NEDD4L: variants seen among roughly 807,000 people sequenced by gnomAD.
NEDD4L encodes the protein NEDD4 like E3 ubiquitin protein ligase, also known as E3 ubiquitin-protein ligase NEDD4-like.
Under a neutral mutation model 148.9 loss-of-function variants are expected in NEDD4L, and 54 were observed. That is an observed-to-expected ratio of 0.36 (90% CI 0.29 to 0.45). The LOEUF is 0.45. Ranked by LOEUF, NEDD4L falls within the 20% of genes least tolerant of loss-of-function variation. NEDD4L has a pLI of 1.00. For synonymous variants in NEDD4L, 433 were observed against 440.7 expected (o/e 0.98, Z 0.22); for missense variants, 856 against 1,233.8 (o/e 0.69, Z 4.59).
chr18:58,228,063 C>A (rs1259548675), intron 2 of NEDD4L, among the ~76,000 whole-genome samples: 1 of 152,116 alleles, frequency 6.6e-6, no homozygotes, highest in Non-Finnish European at 1.5e-5. Context: ...TCAAGATTTA[C>A]CCTACCCCAC....
At position 58,401,226 on chromosome 18, in the gene NEDD4L, C is replaced by T. The variant is rs753613489; in HGVS notation, c.*4957C>T. 2 of 152,164 alleles carry T rather than the reference C, an allele frequency of 1.3e-5. No homozygotes were observed. Among genetic ancestry groups the T allele is most frequent in the Non-Finnish European group, 2.9e-5 (2 of 68,020 alleles). 9.4% of individuals were successfully genotyped at this position (152,164 alleles called of 1,614,324 possible). On this transcript the variant is annotated 3_prime_UTR_variant, in exon 31 of 31. Coordinates refer to ENST00000400345, the MANE Select transcript of NEDD4L (RefSeq NM_001144967.3). ...TAACTTTTTATTATAAACCCACCTC[C>T]TAATAGGAAGCCAAGTACTATTTGA...
chr18:58,200,218 T>A (rs1599635140), intron 2 of NEDD4L, among the ~76,000 whole-genome samples: 1 of 152,248 alleles, frequency 6.6e-6, no homozygotes, highest in Admixed American at 6.5e-5. Context: ...ATTATGTGAT[T>A]TTAATTTATT....
chr18:58,184,733 C>A (rs1325378089), intron 2 of NEDD4L, among the ~76,000 whole-genome samples: 4 of 152,014 alleles, frequency 2.6e-5, no homozygotes, highest in Non-Finnish European at 5.9e-5. Flanking sequence ...TCGAGACCAT[C>A]CTGGCTAACA....
intron 2 of NEDD4L, among the ~76,000 whole-genome samples, chr18:58,199,182 T>TA (rs2041103368): frequency 6.6e-6 from 1 of 152,346 alleles, no homozygotes; most frequent in Admixed American, 6.5e-5. Context: ...AAACAACTAA[T>TA]AAAAATAGTT....
At chr18:58,251,509 C>T (rs933242409) in intron 4 of NEDD4L, among the ~76,000 whole-genome samples, 1 of 151,970 alleles carries the variant, frequency 6.6e-6, no homozygotes, top group African/African-American at 2.4e-5. Context: ...ACAAGACCGT[C>T]TGTCTCTGTC....
Position 58,330,746 on chromosome 18 carries a change from G to A in NEDD4L, c.822G>A (p.Glu274=). The part of the protein sequence containing the change: ...SEGGDVPEPW[E]TISEEVNIAG... ...GTCTCCTTCTCTGAAAGCCTTGGGA[G>A]ACCATTTCAGAGGAAGTGAATATCG... The change falls in exon 11 of 31, where the codon GAG becomes GAA. Residue 274 remains glutamate (E), a synonymous_variant. Transcript: ENST00000400345. 1 of 1,594,078 alleles carries A rather than the reference G, an allele frequency of 6.3e-7. No individual in the cohort carries two copies. The highest frequency in any genetic ancestry group is 1.3e-5 in the African/African-American group (1 of 74,568).
At chr18:58,281,235 C>A (rs1013147053) in intron 5 of NEDD4L, among the ~76,000 whole-genome samples, 1 of 152,148 alleles carries the variant, frequency 6.6e-6, no homozygotes, top group African/African-American at 2.4e-5. Context: ...GCCCTGGCCT[C>A]CCAAACTGCT....
chr18:58,190,330 A>C (rs2147167963), intron 2 of NEDD4L, among the ~76,000 whole-genome samples: 1 of 152,320 alleles, frequency 6.6e-6, no homozygotes, highest in South Asian at 2.1e-4. Context: ...TATAATGAAA[A>C]AGTTGAAGCA....
At chr18:58,386,921 C>T (rs932244080) in intron 26 of NEDD4L, among the ~76,000 whole-genome samples, 6 of 152,190 alleles carry the variant, frequency 3.9e-5, no homozygotes, top group South Asian at 4.1e-4. Context: ...CCTTCAGAAA[C>T]GCGGCGTTCG....
chr18:58,109,077 T>C (rs2085252958), intron 1 of NEDD4L, among the ~76,000 whole-genome samples: 1 of 152,226 alleles, frequency 6.6e-6, no homozygotes, highest in African/African-American at 2.4e-5. Flanking sequence ...AAACAATATA[T>C]AGCAAGAAAA....
intron 2 of NEDD4L, among the ~76,000 whole-genome samples, chr18:58,204,702 A>G (rs292443): frequency 0.58 from 88,247 of 152,086 alleles, 27,053 homozygotes; most frequent in Non-Finnish European, 0.68. Flanking sequence ...CTTTAGTCTT[A>G]TAAAAATAAG....
intron 19 of NEDD4L, among the ~76,000 whole-genome samples, chr18:58,362,343 G>A (rs955332139): frequency 2.6e-5 from 4 of 152,170 alleles, no homozygotes; most frequent in African/African-American, 4.8e-5. Flanking sequence ...CACGAATACA[G>A]GAACAAACAA....
chr18:58,322,416 T>C lies in NEDD4L; in HGVS notation c.349-9T>C, dbSNP rs2058879028. ...TATTAAAATTTAATTTACTGTTTTTTCCCCACAGACAGAAGATCCAACCAT... is the reference window on the plus strand; with the variant it reads ...TATTAAAATTTAATTTACTGTTTTTCCCCCACAGACAGAAGATCCAACCAT... On this transcript the variant is annotated splice_polypyrimidine_tract_variant and intron_variant, in intron 6 of 30. Transcript: ENST00000400345. 1.4e-6 allele frequency: 2 copies of C among 1,469,678 alleles called. No individual in the cohort carries two copies. The highest frequency in any genetic ancestry group is 3.0e-5 in the East Asian group (1 of 33,708). The allele number at this position is 1,469,678 out of a possible 1,614,324, so 91.0% of individuals were successfully genotyped here. A position where few individuals can be genotyped will look rare whatever the true frequency, so the allele number is the denominator to read the frequency against.
chr18:58,303,206 CT>C (rs1432567450), intron 5 of NEDD4L, among the ~76,000 whole-genome samples: 3 of 152,190 alleles, frequency 2.0e-5, no homozygotes, highest in Non-Finnish European at 4.4e-5. Flanking sequence ...ATGAATGGAA[CT>C]TTTCTCTCCC....
At chr18:58,389,578 T>G (rs1174958709) in intron 28 of NEDD4L, 1 of 166,172 alleles carries the variant, frequency 6.0e-6, no homozygotes, top group Admixed American at 6.0e-5. Context: ...GTTTTCTCAA[T>G]TTTTAAAATA....
chr18:58,260,012 C>G (rs2049141203), intron 5 of NEDD4L, among the ~76,000 whole-genome samples: 1 of 152,042 alleles, frequency 6.6e-6, no homozygotes, highest in African/African-American at 2.4e-5. Context: ...GTTTTTTACC[C>G]TAAAAATAAC....
At chr18:58,214,799 C>CTTTCTTTCTTTT (rs202229202) in intron 2 of NEDD4L, among the ~76,000 whole-genome samples, 1 of 60,874 alleles carries the variant, frequency 1.6e-5, no homozygotes, top group Admixed American at 1.8e-4. Flanking sequence ...TTCTTTCTTT[C>CTTTCTTTCTTTT]ATTTTTTTTT....
chr18:58,063,039 C>CTT (rs74183235), intron 1 of NEDD4L, among the ~76,000 whole-genome samples: 124 of 91,142 alleles, frequency 1.4e-3, no homozygotes, highest in Non-Finnish European at 1.7e-3. Context: ...TTTATTTGTT[C>CTT]TTTTTTTTTT....
In NEDD4L at chr18:58,343,066, C is replaced by A; in HGVS notation, c.1538C>A (p.Pro513His). ...ATGAGGATAGCGCCAAACGGCCGGC[C>A]CTTCTTCATTGATCATAACACAAAG... ...WEMRIAPNGR[P>H]FFIDHNTKTT... is the part of the protein sequence containing the mutation. Residue 513 changes from proline to histidine, a missense_variant, in exon 16 of 31, where the codon CCC becomes CAC. Physicochemically the swap from Pro to His is moderately conservative, Grantham distance 77. This residue lies in a region of NEDD4L where 367 missense variants were observed against 422.7 expected (regional missense o/e 0.87). Transcript: ENST00000400345. The A allele has an allele frequency of 6.2e-7, 1 of 1,611,686 alleles. No individual in the cohort carries two copies. Among genetic ancestry groups the A allele is most frequent in the South Asian group, 1.1e-5 (1 of 90,504 alleles).
Sources: allele counts gnomAD v4.1 joint callset (sites outside exome capture counted in the v4.1 genomes callset), GRCh38; gene constraint gnomAD v4.1.1; regional missense constraint gnomAD v4.1.1; transcripts MANE v1.5; gene names NCBI Gene and HGNC (gene_info 2026-07-23, HGNC 2026-07-21).